Variants in SH3TC1 observed in about 807,000 individuals in gnomAD.
SH3TC1 encodes the protein SH3 domain and tetratricopeptide repeat-containing protein 1.
In SH3TC1, 135 loss-of-function variants were observed where a neutral mutation model predicts 117.3. The ratio of observed to expected loss-of-function variants is 1.15; its 90% CI spans 1.00 to 1.33. The LOEUF is 1.33. Ranked by LOEUF, SH3TC1 falls within the 40% of genes most tolerant of loss-of-function variation. The pLI is 0.00. For synonymous variants in SH3TC1, 898 were observed against 816.9 expected, an observed-to-expected ratio of 1.10 and a Z score of -1.69; for missense variants, 2,092 against 1,794.3, an observed-to-expected ratio of 1.17 and a Z score of -3.00.
chr4:8,217,187 G>T lies in SH3TC1; in HGVS notation c.839+20G>T. On this transcript the variant is annotated intron_variant, in intron 7 of 17. Coordinates refer to ENST00000245105, the MANE Select transcript of SH3TC1 (RefSeq NM_018986.5). ...TCATCAGTAGGTACCGGCCTTTGCT[G>T]CTCTGAGAGCTGTTGGCCTCGCTGA... The T allele has an allele frequency of 6.3e-7, 1 of 1,580,120 alleles. No homozygotes were observed. Among genetic ancestry groups the T allele is most frequent in the African/African-American group, 1.3e-5 (1 of 74,152 alleles).
At position 8,216,870 on chromosome 4, in the gene SH3TC1, G is replaced by A. The variant is rs555737841; in HGVS notation, c.629-87G>A. 1.9e-5 allele frequency: 26 copies of A among 1,400,444 alleles called. No homozygotes were observed. In the East Asian group the frequency reaches 2.5e-4, roughly 14 times the overall value. 86.8% of individuals were successfully genotyped at this position (1,400,444 alleles called of 1,614,324 possible). On this transcript the variant is annotated intron_variant, in intron 6 of 17. Transcript: ENST00000245105. ...GGCCGCTCCTGTGGGTGTTGCCTTC[G>A]TTGTCTGTCCGGCAGGGGTGTGGGG...
At chr4:8,213,098 C>T (rs1718898773) in intron 4 of SH3TC1, 3 of 480,432 alleles carry the variant, frequency 6.2e-6, no homozygotes, top group African/African-American at 2.0e-5. Flanking sequence ...TCCCTTTCTC[C>T]ACCTGCCCTC....
At chr4:8,239,605 CACACAGGCATACACGG>C (rs1162731559) in intron 17 of SH3TC1, among the ~76,000 whole-genome samples, 1 of 152,112 alleles carries the variant, frequency 6.6e-6, no homozygotes, top group East Asian at 1.9e-4. Flanking sequence ...CACGTGCACA[CACACAGGCATACACGG>C]ACACAGGCAC....
At chr4:8,195,177 C>T (rs1051448037), upstream of SH3TC1, among the ~76,000 whole-genome samples, 2 of 152,344 alleles carry the variant, frequency 1.3e-5, no homozygotes, top group African/African-American at 4.8e-5. Context: ...TTGTGAAGGA[C>T]TGAGCATCTT....
At chr4:8,208,339 C>G (rs1256351551) in intron 2 of SH3TC1, among the ~76,000 whole-genome samples, 1 of 151,756 alleles carries the variant, frequency 6.6e-6, no homozygotes. Context: ...CTGAGCACCA[C>G]ATACTTCTTT....
In SH3TC1 at chr4:8,214,645, C is replaced by T. The variant is rs535730152; in HGVS notation, c.481+65C>T. On this transcript the variant is annotated intron_variant, in intron 5 of 17. Transcript: ENST00000245105. ...CCGTCGGAAGGTGCTGGTTACACACCGTGCACTTAGATTACAAACTGGTGC... is the reference window on the plus strand; with the variant it reads ...CCGTCGGAAGGTGCTGGTTACACACTGTGCACTTAGATTACAAACTGGTGC... 319 of 1,194,644 alleles carry T rather than the reference C, an allele frequency of 2.7e-4. 2 individuals carry two copies. The South Asian group carries it at 3.6e-3, about 13-fold the overall frequency. 74.0% of individuals were successfully genotyped at this position (1,194,644 alleles called of 1,614,324 possible). A position where few individuals can be genotyped will look rare whatever the true frequency, so the allele number is the denominator to read the frequency against.
intron 10 of SH3TC1, among the ~76,000 whole-genome samples, chr4:8,223,172 G>C (rs1056638182): frequency 1.3e-5 from 2 of 152,252 alleles, no homozygotes; most frequent in Non-Finnish European, 2.9e-5. Context: ...CTGAGGGCGT[G>C]GGAATGTGGC....
chr4:8,211,043 C>T (rs1419119745), intron 3 of SH3TC1, among the ~76,000 whole-genome samples: 1 of 149,832 alleles, frequency 6.7e-6, no homozygotes, highest in Non-Finnish European at 1.5e-5. Context: ...TCTCTTCCTC[C>T]CGGTTTCTCT....
At chr4:8,239,211 GGCACATGCAAAT>G (rs1188645534) in intron 17 of SH3TC1, among the ~76,000 whole-genome samples, 1 of 149,200 alleles carries the variant, frequency 6.7e-6, no homozygotes, top group Non-Finnish European at 1.5e-5. Context: ...ACGCACTACA[GGCACATGCAAAT>G]GCACATGCAC....
intron 3 of SH3TC1, 109 bp from the exon 4 acceptor site, chr4:8,212,592 G>A: frequency 6.7e-7 from 1 of 1,482,160 alleles, no homozygotes; most frequent in Non-Finnish European, 9.1e-7. Flanking sequence ...CACTGCCCAG[G>A]CCTTCGGGGT....
chr4:8,220,819 G>A (rs960152287), intron 9 of SH3TC1, among the ~76,000 whole-genome samples: 1 of 152,216 alleles, frequency 6.6e-6, no homozygotes, highest in African/African-American at 2.4e-5. Flanking sequence ...CTCATGGAAA[G>A]GGTCCGTCTG....
chr4:8,232,950 C>A (rs1240605805), intron 13 of SH3TC1: 1 of 1,192,334 alleles, frequency 8.4e-7, no homozygotes, highest in Non-Finnish European at 1.1e-6. Context: ...GCCCGTGGAG[C>A]CAGAAGCTCT....
chr4:8,222,365 T>G (rs1248026586), intron 9 of SH3TC1, among the ~76,000 whole-genome samples: 2 of 32,318 alleles, frequency 6.2e-5, no homozygotes, highest in African/African-American at 1.1e-4. Context: ...GATCTGGTTT[T>G]TTTTTTTTTT....
rs951617085 is a variant in SH3TC1 at position 8,216,325 on chromosome 4, G to C, written c.628+68G>C. On this transcript the variant is annotated intron_variant, in intron 6 of 17. Transcript: ENST00000245105. ...GGCACTCCCGGGCCATGGGGTGACA[G>C]CCTGGATCCCGCTGTGCTGAGCATG... 3 of 1,562,914 alleles carry C rather than the reference G, an allele frequency of 1.9e-6. No individual in the cohort carries two copies. The African/African-American group carries it at 4.0e-5, about 21-fold the overall frequency.
chr4:8,219,487 T>A lies in SH3TC1; in HGVS notation c.1069T>A (p.Phe357Ile), dbSNP rs540293416. 9.4e-6 allele frequency: 15 copies of A among 1,602,118 alleles called. No individual in the cohort carries two copies. The Admixed American group carries it at 1.0e-4, about 11-fold the overall frequency. Residue 357 changes from phenylalanine (F) to isoleucine (I), a missense_variant, in exon 9 of 18, where the codon TTT (phenylalanine) becomes ATT (isoleucine). Coordinates refer to ENST00000245105, the MANE Select transcript of SH3TC1 (RefSeq NM_018986.5). ...ACACGCAGCCTCGGGCCGGGTGGGGTTTGTGCGGAGCAGCCTCATCAGCAT... is the reference window on the plus strand; with the variant it reads ...ACACGCAGCCTCGGGCCGGGTGGGGATTGTGCGGAGCAGCCTCATCAGCAT... Reference protein sequence around the residue: ...GRHAASGRVGFVRSSLISMQG... With the variant: ...GRHAASGRVGIVRSSLISMQG...
intron 1 of SH3TC1, among the ~76,000 whole-genome samples, chr4:8,200,149 G>A (rs776671399): frequency 1.3e-5 from 2 of 152,260 alleles, no homozygotes; most frequent in African/African-American, 4.8e-5. Flanking sequence ...GCAAAGTGAC[G>A]CTGGGGGGTG....
intron 14 of SH3TC1, 50 bp from the exon 15 acceptor site, chr4:8,235,383 T>C: frequency 7.1e-7 from 1 of 1,416,148 alleles, no homozygotes; most frequent in Non-Finnish European, 9.3e-7. Flanking sequence ...TGGGTGGGCG[T>C]GGCCACCTCA....
intron 1 of SH3TC1, among the ~76,000 whole-genome samples, chr4:8,188,651 G>C (rs1246554714): frequency 6.6e-6 from 1 of 152,216 alleles, no homozygotes; most frequent in African/African-American, 2.4e-5. Context: ...AGGGTAGAAG[G>C]GGTGAGGGAT....
chr4:8,189,932 C>T (rs1270948327), intron 1 of SH3TC1, among the ~76,000 whole-genome samples: 1 of 152,244 alleles, frequency 6.6e-6, no homozygotes, highest in African/African-American at 2.4e-5. Context: ...GGACCAGTGG[C>T]CCAGAGAGAC....
Sources: allele counts gnomAD v4.1 joint callset (sites outside exome capture counted in the v4.1 genomes callset), GRCh38; gene constraint gnomAD v4.1.1; transcripts MANE v1.5; gene names NCBI Gene and HGNC (gene_info 2026-07-23, HGNC 2026-07-21).